PRMT5: variants seen among roughly 807,000 people sequenced by gnomAD.
The protein encoded by PRMT5 is protein arginine N-methyltransferase 5.
A neutral mutation model predicts 84.0 loss-of-function variants in PRMT5; 15 were observed. The observed-to-expected ratio is 0.18, with a 90% CI of 0.12 to 0.28. The LOEUF (loss-of-function observed/expected upper bound fraction) is 0.28, where lower values mean the gene tolerates loss of function less well. PRMT5 is among the 10% of genes least tolerant of loss of function. PRMT5 has a pLI of 1.00. For synonymous variants in PRMT5, 276 were observed against 292.4 expected (o/e 0.94, Z 0.57); for missense variants, 486 against 808.0 (o/e 0.60, Z 4.83).
At position 22,923,885 on chromosome 14, in the gene PRMT5, T is replaced by C; in HGVS notation, c.1375+123A>G. On this transcript the variant is annotated intron_variant, in intron 12 of 16. Coordinates refer to ENST00000324366, the MANE Select transcript of PRMT5 (RefSeq NM_006109.5). This position sits in a 1 kb window ranked among gnomAD's most constrained non-coding sequence, Gnocchi z 5.2. ...TAGGGGCACAGAGGCAGTGAAGCAG[T>C]GGCTCTCAAACTCATATGATGTGAC... 1 of 1,045,592 alleles carries C rather than the reference T, an allele frequency of 9.6e-7. No individual in the cohort carries two copies. Among genetic ancestry groups the C allele is most frequent in the Non-Finnish European group, 1.4e-6 (1 of 732,974 alleles). The allele number at this position is 1,045,592 out of a possible 1,614,324, so 64.8% of individuals were successfully genotyped here.
chr14:22,925,121 G>A (rs2044388320), intron 7 of PRMT5, 81 bp from the exon 8 acceptor site: 3 of 1,429,990 alleles, frequency 2.1e-6, no homozygotes, highest in South Asian at 1.4e-5. Flanking sequence ...AAGAGCCCTA[G>A]TGTAAAATAA....
Position 22,928,639 on chromosome 14 carries a change from T to C in PRMT5, c.111-24A>G. 6.4e-7 allele frequency: 1 copy of C among 1,551,422 alleles called. No homozygotes were observed. The highest frequency in any genetic ancestry group is 8.9e-7 in the Non-Finnish European group (1 of 1,123,136). ...ACCTACAACCGCGACAGACCCAGAA[T>C]CATGTAAAGACAGCAGCAGTGCCAG... On this transcript the variant is annotated intron_variant, in intron 1 of 16. Coordinates refer to ENST00000324366, the MANE Select transcript of PRMT5 (RefSeq NM_006109.5). This position sits in a 1 kb window ranked among gnomAD's most constrained non-coding sequence, Gnocchi z 4.8.
At chr14:22,925,706 GCTA>G (rs1182761946) in intron 7 of PRMT5, among the ~76,000 whole-genome samples, 1 of 152,002 alleles carries the variant, frequency 6.6e-6, no homozygotes, top group Non-Finnish European at 1.5e-5. Flanking sequence ...TATAATCCCA[GCTA>G]CTCAGGAGGC....
rs1365064024 is a variant in PRMT5, at chr14:22,926,254, T to C, written c.656A>G (p.Asp219Gly). 6.2e-7 allele frequency: 1 copy of C among 1,613,832 alleles called. No individual in the cohort carries two copies. The highest frequency in any genetic ancestry group is 1.7e-5 in the Admixed American group (1 of 60,000). The change falls in exon 7 of 17, where the codon GAT becomes GGT. Residue 219 changes from aspartate to glycine, a missense_variant. By Grantham distance (94) the Asp-to-Gly change is moderately conservative (BLOSUM62 -1). Around this residue, in one of 4 missense-constraint regions of PRMT5, gnomAD observed 215 missense variants for 301.1 expected, o/e 0.71. Coordinates refer to ENST00000324366, the MANE Select transcript of PRMT5 (RefSeq NM_006109.5). ...TTTGATGGGCTCCCCAAGCCAGCGA[T>C]CAATGACATGATTAGATGGGAGGTC... ...GADLPSNHVI[D>G]RWLGEPIKAA...
chr14:22,924,354 A>G lies in PRMT5; in HGVS notation c.1115T>C (p.Val372Ala), dbSNP rs755954080. 2.5e-6 allele frequency: 4 copies of G among 1,614,074 alleles called. No homozygotes were observed. The highest frequency in any genetic ancestry group is 3.4e-6 in the Non-Finnish European group (4 of 1,180,026). Residue 372 changes from valine to alanine, a missense_variant, in exon 11 of 17, where the codon GTG becomes GCG. Physicochemically the swap from Val to Ala is moderately conservative, Grantham distance 64. This residue lies in a region of PRMT5 where 219 missense variants were observed against 433.6 expected (regional missense o/e 0.51). Coordinates refer to ENST00000324366, the MANE Select transcript of PRMT5 (RefSeq NM_006109.5). This position sits in a 1 kb window ranked among gnomAD's most constrained non-coding sequence, Gnocchi z 6.5. Reference sequence around the variant, plus strand: ...CTTGGCTGCCCGCAGGGAAGCGTTCACCAGGGGTCCCCGTCCTGCTCCCAG... The same window carrying G: ...CTTGGCTGCCCGCAGGGAAGCGTTCGCCAGGGGTCCCCGTCCTGCTCCCAG... ...MVLGAGRGPLVNASLRAAKQA... is the reference protein window; with the variant it reads ...MVLGAGRGPLANASLRAAKQA...
rs534449498 is a variant in PRMT5 at position 22,926,150 on chromosome 14, T to C, written c.760A>G (p.Ile254Val). The stretch of plus-strand genomic sequence containing the variant: ...CCACTCACCTTGAGGAGCCGGAAGA[T>C]GAGCCTCTGGTGCATCTTAGAAAGA... ...PVLSKMHQRL[I>V]FRLLKLEVQF... Residue 254 changes from isoleucine (I) to valine (V), a missense_variant, in exon 7 of 17, where the codon ATC becomes GTC. Ile to Val is a conservative substitution (Grantham distance 29). This residue lies in a region of PRMT5 where 215 missense variants were observed against 301.1 expected (regional missense o/e 0.71). Transcript: ENST00000324366. The C allele has an allele frequency of 2.5e-6, 4 of 1,612,134 alleles. No individual in the cohort carries two copies. The South Asian group carries it at 4.4e-5, about 18-fold the overall frequency.
intron 13 of PRMT5, 29 bp from the exon 14 acceptor site, chr14:22,922,864 G>C: frequency 6.3e-7 from 1 of 1,597,300 alleles, no homozygotes; most frequent in Non-Finnish European, 8.6e-7. Flanking sequence ...GAGAGAGAGT[G>C]TTGGGGAAGA....
chr14:22,923,087 C>T lies in PRMT5; in HGVS notation c.1449G>A (p.Glu483=). 6.2e-7 allele frequency: 1 copy of T among 1,613,326 alleles called. No individual in the cohort carries two copies. Residue 483 remains glutamate, a synonymous_variant, in exon 13 of 17, where the codon GAG becomes GAA. Transcript: ENST00000324366. The surrounding 1 kb of genome is among the most constrained non-coding windows in gnomAD (Gnocchi z 5.2). The part of the protein sequence containing the change: ...APISSSKLYN[E]VRACREKDRD... ...GGTCCTTCTCCCTACAGGCTCGGACCTCATTGTACAGCTTGGAGGAAGAGA... is the reference window on the plus strand; with the variant it reads ...GGTCCTTCTCCCTACAGGCTCGGACTTCATTGTACAGCTTGGAGGAAGAGA...
In PRMT5 at chr14:22,924,860, A is replaced by C. The variant is rs1956881; in HGVS notation, c.939+19T>G. 0.61 allele frequency: 987,081 copies of C among 1,609,742 alleles called. 306,618 individuals carry two copies. The highest frequency in any genetic ancestry group is 0.79 in the East Asian group (35,566 of 44,796). ...ATTTTCCATCCCACCTTCCTCCTCT[A>C]AGTGCACTCCAGACCCACCTGAAGC... is the stretch of plus-strand genomic sequence containing the variant. On this transcript the variant is annotated intron_variant, in intron 8 of 16. Coordinates refer to ENST00000324366, the MANE Select transcript of PRMT5 (RefSeq NM_006109.5). The surrounding 1 kb of genome is among the most constrained non-coding windows in gnomAD (Gnocchi z 6.5).
At chr14:22,927,854 A>G (rs2044460511) in intron 3 of PRMT5, among the ~76,000 whole-genome samples, 194 bp from the exon 4 acceptor site, 1 of 151,754 alleles carries the variant, frequency 6.6e-6, no homozygotes, top group African/African-American at 2.4e-5. Flanking sequence ...GACCACAGGC[A>G]TGCACCACCA....
chr14:22,927,658 G>A lies in PRMT5; in HGVS notation c.318C>T (p.Ala106=), dbSNP rs1265351679. The A allele has an allele frequency of 3.1e-6, 5 of 1,613,262 alleles. No individual in the cohort carries two copies. The African/African-American group carries it at 6.7e-5, about 22-fold the overall frequency. The stretch of plus-strand genomic sequence containing the variant: ...CACCAAAATTCAGCTCCTGTAACAT[G>A]GCCTGGAACGGAGATGAAGAGGAAA... ...VEKIRRNSEA[A]MLQELNFGAY... The change falls in exon 4 of 17, where the codon GCC becomes GCT. Residue 106 remains alanine (A), a splice_region_variant and synonymous_variant. Coordinates refer to ENST00000324366, the MANE Select transcript of PRMT5 (RefSeq NM_006109.5).
At chr14:22,925,164 TTTAAA>T in intron 7 of PRMT5, 124 bp from the exon 8 acceptor site, 2 of 1,015,416 alleles carry the variant, frequency 2.0e-6, no homozygotes, top group Non-Finnish European at 2.7e-6. Context: ...TTTTTTTTTT[TTTAAA>T]AAAAAAGATG....
chr14:22,928,558 C>G lies in PRMT5; in HGVS notation c.168G>C (p.Gln56His), dbSNP rs1308506118. 6.2e-7 allele frequency: 1 copy of G among 1,614,138 alleles called. No individual in the cohort carries two copies. Residue 56 changes from glutamine (Q) to histidine (H), a missense_variant, in exon 2 of 17, where the codon CAG (glutamine) becomes CAC (histidine). By Grantham distance (24) the Gln-to-His change is conservative. Coordinates refer to ENST00000324366, the MANE Select transcript of PRMT5 (RefSeq NM_006109.5). The surrounding 1 kb of genome is among the most constrained non-coding windows in gnomAD (Gnocchi z 4.8). ...GACCGGGCCGATTCTTAGCAGGTTC[C>G]TGAATGAACTCCCTCTTGAAACGCG... ...FHPRFKREFI[Q>H]EPAKNRPGPQ...
intron 15 of PRMT5, 90 bp from the exon 16 acceptor site, chr14:22,922,330 G>A (rs78311394): frequency 1.1e-6 from 1 of 920,750 alleles, no homozygotes; most frequent in African/African-American, 1.7e-5. Context: ...ATCACACAAA[G>A]ATCTCCATTC....
At position 22,923,903 on chromosome 14, in the gene PRMT5, G is replaced by A; in HGVS notation, c.1375+105C>T. The A allele has an allele frequency of 7.8e-7, 1 of 1,281,864 alleles. No individual in the cohort carries two copies. Among genetic ancestry groups the A allele is most frequent in the Non-Finnish European group, 1.1e-6 (1 of 937,542 alleles). 79.4% of individuals were successfully genotyped at this position (1,281,864 alleles called of 1,614,324 possible). ...GAAGCAGTGGCTCTCAAACTCATAT[G>A]ATGTGACCCAGGTCCAACCCACTTT... On this transcript the variant is annotated intron_variant, in intron 12 of 16. Transcript: ENST00000324366. This position sits in a 1 kb window ranked among gnomAD's most constrained non-coding sequence, Gnocchi z 5.2.
chr14:22,928,266 T>C lies in PRMT5; in HGVS notation c.230-55A>G. ...ACTGAATAAGGTTCAGCACTTTACT[T>C]GTTCAATTTTTAGTTTTGGGAATCA... On this transcript the variant is annotated intron_variant, in intron 2 of 16. Transcript: ENST00000324366. The surrounding 1 kb of genome is among the most constrained non-coding windows in gnomAD (Gnocchi z 4.8). 1 of 1,571,218 alleles carries C rather than the reference T, an allele frequency of 6.4e-7. No homozygotes were observed. The highest frequency in any genetic ancestry group is 2.2e-5 in the East Asian group (1 of 44,622).
intron 1 of PRMT5, 144 bp downstream of exon 1, chr14:22,929,108 G>C: frequency 6.3e-7 from 1 of 1,598,210 alleles, no homozygotes; most frequent in Non-Finnish European, 8.6e-7. Flanking sequence ...TGGGTCCGAG[G>C]CTCCTCCCCT....
At chr14:22,922,283 G>T in intron 15 of PRMT5, 43 bp from the exon 16 acceptor site, 2 of 1,531,968 alleles carry the variant, frequency 1.3e-6, no homozygotes, top group Non-Finnish European at 1.8e-6. Context: ...CTCCATGGCT[G>T]TGACTTTTGC....
intron 5 of PRMT5, 47 bp from the exon 6 acceptor site, chr14:22,926,602 C>A: frequency 1.2e-6 from 2 of 1,610,842 alleles, no homozygotes; most frequent in African/African-American, 1.3e-5. Context: ...ATATGGCCGA[C>A]CAATCACCAC....
Sources: allele counts gnomAD v4.1 joint callset (sites outside exome capture counted in the v4.1 genomes callset), GRCh38; gene constraint gnomAD v4.1.1; regional missense constraint gnomAD v4.1.1; non-coding constraint Gnocchi (gnomAD v3.1); transcripts MANE v1.5; gene names NCBI Gene and HGNC (gene_info 2026-07-23, HGNC 2026-07-21).